The following ITGBL1 variants were observed in gnomAD, a reference collection of about 807,000 sequenced individuals.
ITGBL1 encodes integrin beta-like protein 1.
ITGBL1 carries 51 observed loss-of-function variants against 68.5 expected under a neutral mutation model. The ratio of observed to expected loss-of-function variants is 0.74; its 90% CI spans 0.59 to 0.94. The LOEUF (loss-of-function observed/expected upper bound fraction) is 0.94. Among genes scored for constraint, ITGBL1 ranks in the 40% least tolerant of loss-of-function variants. The probability of loss-of-function intolerance (pLI) is 0.00; values close to 1 mark genes in which losing one functional copy is unlikely to be tolerated. For synonymous variants in ITGBL1, 209 were observed against 227.3 expected, an observed-to-expected ratio of 0.92 and a Z score of 0.72; for missense variants, 649 against 647.4, an observed-to-expected ratio of 1.00 and a Z score of -0.03.
chr13:101,480,545 T>G (rs2048604015), intron 2 of ITGBL1, among the ~76,000 whole-genome samples: 1 of 152,008 alleles, frequency 6.6e-6, no homozygotes, highest in Admixed American at 6.6e-5. Flanking sequence ...GTAACACAAA[T>G]AAATGATAAG....
intron 2 of ITGBL1, among the ~76,000 whole-genome samples, chr13:101,516,712 A>G (rs904477559): frequency 7.2e-5 from 11 of 152,200 alleles, no homozygotes; most frequent in Admixed American, 1.3e-4. Flanking sequence ...ATTCAGGAAC[A>G]TCTTTGTTAA....
chr13:101,714,233 T>C, intron 9 of ITGBL1: 1 of 579,822 alleles, frequency 1.7e-6, no homozygotes, highest in Non-Finnish European at 3.1e-6. Context: ...TGCAACTGTC[T>C]AGATCCATAA....
rs1431676193 is a variant in ITGBL1 at position 101,692,519 on chromosome 13, C to T, written c.1016-66C>T. The T allele has an allele frequency of 2.5e-5, 27 of 1,085,138 alleles. 1 individual carries two copies. Among genetic ancestry groups the T allele is most frequent in the Middle Eastern group, 2.2e-4 (1 of 4,524 alleles). 67.2% of individuals were successfully genotyped at this position (1,085,138 alleles called of 1,614,324 possible). ...GATTTGGGTTTAATAGTGTGCTCACCTCCTTGAAAGCCTTAGTGATTCCGG... is the reference window on the plus strand; with the variant it reads ...GATTTGGGTTTAATAGTGTGCTCACTTCCTTGAAAGCCTTAGTGATTCCGG... On this transcript the variant is annotated intron_variant, in intron 7 of 10. Transcript: ENST00000376180.
intron 7 of ITGBL1, among the ~76,000 whole-genome samples, chr13:101,633,530 G>A (rs1259552533): frequency 1.3e-5 from 2 of 152,114 alleles, no homozygotes. Flanking sequence ...TGAGTTGTCA[G>A]CCAAAAAAAC....
intron 9 of ITGBL1, among the ~76,000 whole-genome samples, chr13:101,708,054 C>CAT (rs2034302896): frequency 6.7e-6 from 1 of 149,722 alleles, no homozygotes; most frequent in East Asian, 2.0e-4. Context: ...CACACACACA[C>CAT]ACACACACAC....
intron 2 of ITGBL1, among the ~76,000 whole-genome samples, chr13:101,492,699 C>T (rs963041823): frequency 6.6e-6 from 1 of 152,156 alleles, no homozygotes; most frequent in African/African-American, 2.4e-5. Context: ...TTGCTGCCCT[C>T]CTTGGAATTC....
chr13:101,562,830 GA>G (rs2050122045), intron 2 of ITGBL1, among the ~76,000 whole-genome samples: 1 of 151,780 alleles, frequency 6.6e-6, no homozygotes, highest in South Asian at 2.1e-4. Flanking sequence ...GACATTTATA[GA>G]ACAGCAGAAG....
At chr13:101,525,576 C>T (rs1236178214) in intron 2 of ITGBL1, among the ~76,000 whole-genome samples, 3 of 151,578 alleles carry the variant, frequency 2.0e-5, no homozygotes, top group African/African-American at 4.9e-5. Context: ...TATTCTTCCA[C>T]TATTCCAGAT....
chr13:101,669,979 T>C (rs75487209), intron 7 of ITGBL1, among the ~76,000 whole-genome samples: 2 of 152,144 alleles, frequency 1.3e-5, no homozygotes, highest in Non-Finnish European at 2.9e-5. Flanking sequence ...CTCCATTGAC[T>C]TTTTAGTCAG....
At chr13:101,487,988 G>A (rs116013895) in intron 2 of ITGBL1, among the ~76,000 whole-genome samples, 136 of 152,350 alleles carry the variant, frequency 8.9e-4, no homozygotes, top group African/African-American at 3.1e-3. Context: ...AGGCTGAGGA[G>A]GTGGTGATGG....
chr13:101,498,393 G>C (rs537517675), intron 2 of ITGBL1, among the ~76,000 whole-genome samples: 7 of 152,100 alleles, frequency 4.6e-5, no homozygotes, highest in Admixed American at 1.3e-4. Flanking sequence ...AGAAATATGT[G>C]GCATATTTTT....
chr13:101,458,768 ATGTT>A (rs1594820890), intron 2 of ITGBL1, among the ~76,000 whole-genome samples: 2 of 152,188 alleles, frequency 1.3e-5, no homozygotes, highest in East Asian at 3.9e-4. Flanking sequence ...GTTATACTGT[ATGTT>A]AGTTGTATTA....
chr13:101,459,576 C>T (rs1202661908), intron 2 of ITGBL1, among the ~76,000 whole-genome samples: 1 of 151,916 alleles, frequency 6.6e-6, no homozygotes, highest in Non-Finnish European at 1.5e-5. Context: ...AACTCTGTCT[C>T]TACAAAAGAT....
chr13:101,583,137 A>T (rs1423789606), intron 5 of ITGBL1, 79 bp from the exon 6 acceptor site: 1 of 1,409,362 alleles, frequency 7.1e-7, no homozygotes, highest in African/African-American at 1.4e-5. Context: ...GTAAACAGAA[A>T]ATAATAAGCG....
chr13:101,578,602 G>A (rs2050402543), intron 4 of ITGBL1, among the ~76,000 whole-genome samples: 2 of 152,180 alleles, frequency 1.3e-5, no homozygotes, highest in Admixed American at 1.3e-4. Flanking sequence ...TTACAGAGAG[G>A]TGGGAGCTGA....
chr13:101,575,489 T>C lies in ITGBL1; in HGVS notation c.529T>C (p.Phe177Leu), dbSNP rs776698273. The stretch of plus-strand genomic sequence containing the variant: ...TGGAAGTGGACTTGTGTATGGTAAA[T>C]TTTGTGAGTGTGACGATAGAGAATG... ...SDGSGLVYGK[F>L]CECDDRECID... is the part of the protein sequence containing the mutation. Residue 177 changes from phenylalanine (F) to leucine (L), a missense_variant, in exon 4 of 11, where the codon TTT becomes CTT. Phe to Leu is a conservative substitution (Grantham distance 22). Transcript: ENST00000376180. The C allele has an allele frequency of 8.1e-6, 13 of 1,612,694 alleles. No homozygotes were observed. Among genetic ancestry groups the C allele is most frequent in the Non-Finnish European group, 8.5e-7 (1 of 1,179,058 alleles).
At chr13:101,473,600 G>A (rs149104958) in intron 2 of ITGBL1, among the ~76,000 whole-genome samples, 1 of 152,242 alleles carries the variant, frequency 6.6e-6, no homozygotes, top group Non-Finnish European at 1.5e-5. Context: ...AAGATTTCTG[G>A]GCAAGTCCTG....
At chr13:101,531,956 G>A (rs1050465531) in intron 2 of ITGBL1, among the ~76,000 whole-genome samples, 95 of 151,710 alleles carry the variant, frequency 6.3e-4, no homozygotes, top group African/African-American at 2.2e-3. Context: ...GGATGGTCTC[G>A]ATTTCCTGAC....
chr13:101,720,743 T>TA (rs2034920249), downstream of ITGBL1: 1 of 147,188 alleles, frequency 6.8e-6, no homozygotes, highest in South Asian at 2.1e-4. Flanking sequence ...CTGTTCCTGT[T>TA]AAAAACAATA....
Sources: allele counts gnomAD v4.1 joint callset (sites outside exome capture counted in the v4.1 genomes callset), GRCh38; gene constraint gnomAD v4.1.1; transcripts MANE v1.5; gene names NCBI Gene and HGNC (gene_info 2026-07-23, HGNC 2026-07-21).